XKR4: variants seen among roughly 807,000 people sequenced by gnomAD.
The protein encoded by XKR4 is XK related 4, also known as XK-related protein 4.
XKR4 carries 12 observed loss-of-function variants against 53.9 expected under a neutral mutation model. That is an observed-to-expected ratio of 0.22 (90% CI 0.14 to 0.36). The LOEUF (loss-of-function observed/expected upper bound fraction) is 0.36, where lower values mean the gene tolerates loss of function less well. Among genes scored for constraint, XKR4 ranks in the 10% least tolerant of loss-of-function variants. XKR4 has a pLI of 1.00. For synonymous variants in XKR4, 354 were observed against 362.4 expected (o/e 0.98, Z 0.26); for missense variants, 799 against 859.5 (o/e 0.93, Z 0.88).
chr8:55,363,763 A>G (rs1803934813), intron 2 of XKR4, among the ~76,000 whole-genome samples: 1 of 152,184 alleles, frequency 6.6e-6, no homozygotes, highest in Non-Finnish European at 1.5e-5. Flanking sequence ...GAGGGGGAAG[A>G]GTGCAGGCGA....
At chr8:55,330,822 A>G (rs1470796177) in intron 1 of XKR4, among the ~76,000 whole-genome samples, 2 of 152,160 alleles carry the variant, frequency 1.3e-5, no homozygotes, top group African/African-American at 4.8e-5. Context: ...GACCAGGACA[A>G]GATGGCAAGA....
At chr8:55,301,043 G>A (rs973796079) in intron 1 of XKR4, among the ~76,000 whole-genome samples, 3 of 151,610 alleles carry the variant, frequency 2.0e-5, no homozygotes, top group Non-Finnish European at 4.4e-5. Flanking sequence ...TGTGCACAAT[G>A]TGCAGGTTTG....
intron 1 of XKR4, among the ~76,000 whole-genome samples, chr8:55,149,791 A>G (rs919763229): frequency 3.5e-4 from 54 of 152,312 alleles, no homozygotes; most frequent in African/African-American, 1.2e-3. Flanking sequence ...CTGCCTTAAG[A>G]TGTACCTCAT....
intron 1 of XKR4, chr8:55,164,529 T>G: frequency 4.6e-6 from 2 of 438,860 alleles, no homozygotes; most frequent in Admixed American, 4.9e-5. Flanking sequence ...AGAAAATGTT[T>G]AGGAACTTCT....
At chr8:55,452,002 T>C in intron 2 of XKR4, 1 of 773,286 alleles carries the variant, frequency 1.3e-6, no homozygotes. Context: ...CGCCCGATGG[T>C]CTTCTTGACG....
chr8:55,400,512 G>A (rs1418329194), intron 2 of XKR4, among the ~76,000 whole-genome samples: 3 of 152,142 alleles, frequency 2.0e-5, no homozygotes, highest in Non-Finnish European at 4.4e-5. Context: ...TCTCTTTGAG[G>A]CTGACACACA....
intron 1 of XKR4, among the ~76,000 whole-genome samples, chr8:55,244,211 C>G (rs112085759): frequency 5.8e-4 from 89 of 152,322 alleles, no homozygotes; most frequent in African/African-American, 2.0e-3. Context: ...TATCCTCTCC[C>G]TCCTCTCACC....
chr8:55,102,276 G>A lies in XKR4; in HGVS notation c.-213G>A, dbSNP rs1816052365. On this transcript the variant is annotated 5_prime_UTR_variant, in exon 1 of 3. Coordinates refer to ENST00000327381, the MANE Select transcript of XKR4 (RefSeq NM_052898.2). The surrounding 1 kb of genome is among the most constrained non-coding windows in gnomAD (Gnocchi z 5.1). ...GCGCAGGCAGCCAGGCGGCGCTCCT[G>A]CCGGCCCCAGGCGCGCCGCTAGCCC... is the stretch of plus-strand genomic sequence containing the variant. The A allele has an allele frequency of 3.7e-6, 2 of 539,800 alleles. No homozygotes were observed. The highest frequency in any genetic ancestry group is 4.7e-6 in the Non-Finnish European group (2 of 425,492). The allele number at this position is 539,800 out of a possible 1,614,324, so 33.4% of individuals were successfully genotyped here. A position where few individuals can be genotyped will look rare whatever the true frequency, so the allele number is the denominator to read the frequency against.
chr8:55,431,135 A>G (rs759536867), intron 2 of XKR4, among the ~76,000 whole-genome samples: 1 of 152,248 alleles, frequency 6.6e-6, no homozygotes, highest in Non-Finnish European at 1.5e-5. Flanking sequence ...CTAATAAGTC[A>G]AATGTAGTGG....
At chr8:55,267,933 C>T (rs1213439530) in intron 1 of XKR4, among the ~76,000 whole-genome samples, 2 of 152,032 alleles carry the variant, frequency 1.3e-5, no homozygotes, top group African/African-American at 4.8e-5. Context: ...ATAAACTGAG[C>T]CAACCCTATT....
intron 2 of XKR4, among the ~76,000 whole-genome samples, chr8:55,471,300 A>G (rs531624956): frequency 1.3e-5 from 2 of 152,242 alleles, no homozygotes; most frequent in Admixed American, 1.3e-4. Context: ...ACCTAGGACA[A>G]GTAGGAAAGG....
At chr8:55,343,841 G>C (rs1803594154) in intron 1 of XKR4, among the ~76,000 whole-genome samples, 6 of 152,194 alleles carry the variant, frequency 3.9e-5, no homozygotes. Flanking sequence ...TAGAATGGAT[G>C]AATGAATGAA....
intron 1 of XKR4, among the ~76,000 whole-genome samples, chr8:55,136,110 C>T (rs982114354): frequency 3.3e-5 from 5 of 152,124 alleles, no homozygotes; most frequent in African/African-American, 7.2e-5. Flanking sequence ...GCCAGGCTGG[C>T]CTCAATCTCC....
intron 1 of XKR4, among the ~76,000 whole-genome samples, chr8:55,333,817 G>A (rs1803413890): frequency 1.3e-5 from 2 of 152,158 alleles, no homozygotes; most frequent in East Asian, 1.9e-4. Flanking sequence ...GGGGACTGGA[G>A]CACTGCTTTC....
chr8:55,158,994 G>A (rs916545362), intron 1 of XKR4, among the ~76,000 whole-genome samples: 5 of 152,092 alleles, frequency 3.3e-5, no homozygotes, highest in East Asian at 1.9e-4. Flanking sequence ...AATTTTAAAC[G>A]TTTTTTTCCA....
chr8:55,399,363 C>T (rs1371089106), intron 2 of XKR4, among the ~76,000 whole-genome samples: 1 of 152,236 alleles, frequency 6.6e-6, no homozygotes, highest in Non-Finnish European at 1.5e-5. Context: ...CTTACAGTCA[C>T]TCTTTCTGGA....
At chr8:55,340,139 T>C (rs1007942576) in intron 1 of XKR4, among the ~76,000 whole-genome samples, 2 of 152,196 alleles carry the variant, frequency 1.3e-5, no homozygotes, top group Admixed American at 6.5e-5. Context: ...AAATATGATA[T>C]GGCACAAAAG....
intron 2 of XKR4, among the ~76,000 whole-genome samples, chr8:55,477,173 G>A (rs551997138): frequency 1.1e-4 from 16 of 152,122 alleles, no homozygotes; most frequent in South Asian, 6.2e-4. Context: ...TCACACAGCC[G>A]GATACTCCTC....
At position 55,279,708 on chromosome 8, in the gene XKR4, C is replaced by T. The variant is rs142631148; in HGVS notation, c.807-77970C>T. ...GTATGGTGCTCTGGGGACAGCTGTT[C>T]GCCTCAGCCCGTCAGCCAGGGCACA... On this transcript the variant is annotated intron_variant, in intron 1 of 2. Transcript: ENST00000327381. 1.4e-4 allele frequency among the ~76,000 whole-genome samples: 21 copies of T among 152,256 alleles called. No individual in the cohort carries two copies. The East Asian group carries it at 3.3e-3, about 24-fold the overall frequency.
Sources: allele counts gnomAD v4.1 joint callset (sites outside exome capture counted in the v4.1 genomes callset), GRCh38; gene constraint gnomAD v4.1.1; non-coding constraint Gnocchi (gnomAD v3.1); transcripts MANE v1.5; gene names NCBI Gene and HGNC (gene_info 2026-07-23, HGNC 2026-07-21).